Variants in LRRIQ3 observed in about 807,000 individuals in gnomAD.
The protein encoded by LRRIQ3 is leucine rich repeats and IQ motif containing 3.
A neutral mutation model predicts 59.3 loss-of-function variants in LRRIQ3; 75 were observed. That is an observed-to-expected ratio of 1.26 (90% CI 1.05 to 1.53). The LOEUF (loss-of-function observed/expected upper bound fraction) is 1.53, where lower values mean the gene tolerates loss of function less well. LRRIQ3 is among the 40% of genes most tolerant of loss of function. The pLI, the probability that LRRIQ3 is intolerant of heterozygous loss-of-function variation, is 0.00. For synonymous variants in LRRIQ3, 250 were observed against 231.3 expected (o/e 1.08, Z -0.73); for missense variants, 831 against 710.0 (o/e 1.17, Z -1.94).
chr1:74,069,668 T>C (rs1654966064), intron 6 of LRRIQ3, among the ~76,000 whole-genome samples: 1 of 152,058 alleles, frequency 6.6e-6, no homozygotes, highest in Non-Finnish European at 1.5e-5. Context: ...TAAATTACCA[T>C]TTATTTGATA....
chr1:74,055,348 T>C (rs1222884224), intron 6 of LRRIQ3, among the ~76,000 whole-genome samples: 1 of 151,982 alleles, frequency 6.6e-6, no homozygotes, highest in East Asian at 1.9e-4. Flanking sequence ...TTAGCAGTCA[T>C]TTCTTGTTCC....
chr1:74,139,080 A>C (rs1647180615), intron 4 of LRRIQ3, among the ~76,000 whole-genome samples: 1 of 149,576 alleles, frequency 6.7e-6, no homozygotes, highest in African/African-American at 2.5e-5. Flanking sequence ...ATACACATAT[A>C]TGTATGTGTG....
chr1:74,028,781 A>G (rs1340465991), intron 7 of LRRIQ3, among the ~76,000 whole-genome samples: 4 of 152,012 alleles, frequency 2.6e-5, no homozygotes, highest in African/African-American at 9.7e-5. Context: ...AAACTAACAC[A>G]TTTAAAATCC....
intron 5 of LRRIQ3, among the ~76,000 whole-genome samples, chr1:74,080,726 A>G (rs1481424660): frequency 6.6e-6 from 1 of 151,750 alleles, no homozygotes; most frequent in Non-Finnish European, 1.5e-5. Context: ...AACTCAAACA[A>G]AAAGAGTCGC....
At chr1:74,188,359 T>C (rs72670749) in intron 1 of LRRIQ3, among the ~76,000 whole-genome samples, 1 of 152,206 alleles carries the variant, frequency 6.6e-6, no homozygotes, top group Non-Finnish European at 1.5e-5. Context: ...GTACAACAAA[T>C]TACCCTGAAA....
At position 74,101,840 on chromosome 1, in the gene LRRIQ3, A is replaced by G. The variant is rs919972731; in HGVS notation, c.867+7554T>C. On this transcript the variant is annotated intron_variant, in intron 5 of 7. Coordinates refer to ENST00000354431, the MANE Select transcript of LRRIQ3 (RefSeq NM_001105659.2). Reference sequence around the variant, plus strand: ...AACCAAACACCGCATGTTCTCACTCATAGATGGGAATTGAACAATGAGAAC... The same window carrying G: ...AACCAAACACCGCATGTTCTCACTCGTAGATGGGAATTGAACAATGAGAAC... Among the ~76,000 whole-genome samples, 3 of 152,126 alleles carry G rather than the reference A, an allele frequency of 2.0e-5. No individual in the cohort carries two copies. The East Asian group carries it at 5.8e-4, about 29-fold the overall frequency.
chr1:74,071,884 A>T (rs1380504434), intron 6 of LRRIQ3, among the ~76,000 whole-genome samples: 1 of 152,110 alleles, frequency 6.6e-6, no homozygotes, highest in African/African-American at 2.4e-5. Flanking sequence ...TATCTAATAA[A>T]TATTTTAAAA....
intron 7 of LRRIQ3, among the ~76,000 whole-genome samples, chr1:74,030,053 C>A (rs530284613): frequency 8.2e-4 from 125 of 152,088 alleles, no homozygotes; most frequent in Non-Finnish European, 1.5e-3. Flanking sequence ...CCTAGGGATC[C>A]AACTTACCAG....
At chr1:74,170,926 G>T (rs1342467135) in intron 3 of LRRIQ3, among the ~76,000 whole-genome samples, 1 of 151,900 alleles carries the variant, frequency 6.6e-6, no homozygotes, top group Non-Finnish European at 1.5e-5. Context: ...TATTCTTTCT[G>T]GTGCTATTTT....
Position 74,041,423 on chromosome 1 carries a change from A to G in LRRIQ3, c.1508T>C (p.Leu503Pro). 6.2e-7 allele frequency: 1 copy of G among 1,613,836 alleles called. No individual in the cohort carries two copies. Among genetic ancestry groups the G allele is most frequent in the Non-Finnish European group, 8.5e-7 (1 of 1,179,876 alleles). The change falls in exon 7 of 8, where the codon CTG becomes CCG. Residue 503 changes from leucine to proline, a missense_variant. Transcript: ENST00000354431. Reference protein sequence around the residue: ...YLEKARERKALFLKEKSQKAS... With the variant: ...YLEKARERKAPFLKEKSQKAS... ...CTTTTGGGATTTTTCTTTTAGAAAC[A>G]GAGCTTTTCTCTCTCTAGCTTTTTC...
At chr1:74,131,960 C>T (rs554810807) in intron 4 of LRRIQ3, among the ~76,000 whole-genome samples, 24 of 152,150 alleles carry the variant, frequency 1.6e-4, no homozygotes, top group African/African-American at 5.3e-4. Context: ...GATGAAATGA[C>T]TGTATATTTA....
chr1:74,026,766 T>A lies in LRRIQ3; in HGVS notation c.*47A>T. ...TATTTCAAATTCCTTCAACTAAAAA[T>A]AATGACTATAATTTAAGATGATCAT... On this transcript the variant is annotated 3_prime_UTR_variant, in exon 8 of 8. Transcript: ENST00000354431. The A allele has an allele frequency of 6.8e-7, 1 of 1,474,314 alleles. No individual in the cohort carries two copies. Among genetic ancestry groups the A allele is most frequent in the Non-Finnish European group, 9.2e-7 (1 of 1,085,488 alleles). 91.3% of individuals were successfully genotyped at this position (1,474,314 alleles called of 1,614,324 possible). A position where few individuals can be genotyped will look rare whatever the true frequency, so the allele number is the denominator to read the frequency against.
intron 5 of LRRIQ3, chr1:74,084,072 C>A (rs1172896566): frequency 1.8e-6 from 2 of 1,105,882 alleles, no homozygotes; most frequent in East Asian, 5.4e-5. Flanking sequence ...GTGTGTACAG[C>A]TGATATCCCT....
At chr1:74,133,585 C>T (rs942578614) in intron 4 of LRRIQ3, among the ~76,000 whole-genome samples, 23 of 152,008 alleles carry the variant, frequency 1.5e-4, no homozygotes, top group African/African-American at 5.6e-4. Flanking sequence ...AGCTGGAAAC[C>T]ATCATTCTCA....
Position 74,145,788 on chromosome 1 carries a change from C to T in LRRIQ3, c.707+9945G>A, listed in dbSNP as rs1045111052. On this transcript the variant is annotated intron_variant, in intron 4 of 7. Transcript: ENST00000354431. ...TTTTATCTAGTTTTAAAAATAAATCCTCAATTTTCTCTATCATATCTATGA... is the reference window on the plus strand; with the variant it reads ...TTTTATCTAGTTTTAAAAATAAATCTTCAATTTTCTCTATCATATCTATGA... Among the ~76,000 whole-genome samples, 3 of 151,562 alleles carry T rather than the reference C, an allele frequency of 2.0e-5. No individual in the cohort carries two copies. The East Asian group carries it at 5.8e-4, about 29-fold the overall frequency.
chr1:74,035,235 A>G (rs1228237326), intron 7 of LRRIQ3, among the ~76,000 whole-genome samples: 1 of 152,096 alleles, frequency 6.6e-6, no homozygotes, highest in Non-Finnish European at 1.5e-5. Flanking sequence ...CTATCTGTGA[A>G]TTTAGTTCAG....
intron 4 of LRRIQ3, among the ~76,000 whole-genome samples, chr1:74,124,928 G>C (rs945950107): frequency 2.6e-5 from 4 of 151,842 alleles, no homozygotes; most frequent in Non-Finnish European, 5.9e-5. Flanking sequence ...GGATTGCATT[G>C]AATCTATAGA....
chr1:74,106,019 T>C (rs1018663956), intron 5 of LRRIQ3, among the ~76,000 whole-genome samples: 5 of 151,938 alleles, frequency 3.3e-5, no homozygotes, highest in African/African-American at 1.2e-4. Context: ...AGAGAGGTTG[T>C]ATATGGTTAC....
intron 6 of LRRIQ3, among the ~76,000 whole-genome samples, chr1:74,064,917 G>C (rs1654826466): frequency 6.6e-6 from 1 of 151,902 alleles, no homozygotes; most frequent in Admixed American, 6.6e-5. Flanking sequence ...AAATATTTTT[G>C]TATTTATCTT....
Sources: allele counts gnomAD v4.1 joint callset (sites outside exome capture counted in the v4.1 genomes callset), GRCh38; gene constraint gnomAD v4.1.1; transcripts MANE v1.5; gene names NCBI Gene and HGNC (gene_info 2026-07-23, HGNC 2026-07-21).